ZFAND3: variants seen among roughly 807,000 people sequenced by gnomAD.
ZFAND3 encodes AN1-type zinc finger protein 3.
Under a neutral mutation model 29.6 loss-of-function variants are expected in ZFAND3, and 10 were observed. The observed-to-expected ratio is 0.34, with a 90% CI of 0.21 to 0.57. The LOEUF (loss-of-function observed/expected upper bound fraction) is 0.57, where lower values mean the gene tolerates loss of function less well. ZFAND3 is among the 20% of genes least tolerant of loss of function. ZFAND3 has a pLI of 0.86. For missense variants in ZFAND3, 230 were observed against 304.5 expected (o/e 0.76, Z 1.82); for synonymous variants, 128 against 112.6 (o/e 1.14, Z -0.87).
intron 2 of ZFAND3, among the ~76,000 whole-genome samples, chr6:37,956,536 A>G (rs1343258353): frequency 6.6e-6 from 1 of 152,252 alleles, no homozygotes. Flanking sequence ...TAGGATTTCA[A>G]CTTTGGGTAA....
At position 38,152,819 on chromosome 6, in the gene ZFAND3, T is replaced by G; in HGVS notation, c.*430T>G. ...GAAACTCTGTTTAATGATCGGCCTT[T>G]CACCTCTTCACTTATCCTTAGTCCC... is the stretch of plus-strand genomic sequence containing the variant. On this transcript the variant is annotated 3_prime_UTR_variant, in exon 6 of 6. Transcript: ENST00000287218. 4 of 986,798 alleles carry G rather than the reference T, an allele frequency of 4.1e-6. No individual in the cohort carries two copies. The highest frequency in any genetic ancestry group is 3.6e-6 in the Non-Finnish European group (3 of 830,614). The allele number at this position is 986,798 out of a possible 1,614,324, so 61.1% of individuals were successfully genotyped here. A position where few individuals can be genotyped will look rare whatever the true frequency, so the allele number is the denominator to read the frequency against.
At chr6:37,897,685 T>C (rs1237301496) in intron 1 of ZFAND3, among the ~76,000 whole-genome samples, 1 of 152,186 alleles carries the variant, frequency 6.6e-6, no homozygotes. Flanking sequence ...CTGGTGGAGT[T>C]ATATTGGTGT....
intron 1 of ZFAND3, among the ~76,000 whole-genome samples, chr6:37,821,021 TTTTGTTTTAG>T (rs1363181426): frequency 6.6e-6 from 1 of 152,172 alleles, no homozygotes; most frequent in African/African-American, 2.4e-5. Flanking sequence ...TCTTTTATCG[TTTTGTTTTAG>T]TTTTATTTTT....
At chr6:38,144,408 G>A (rs1001236802) in intron 5 of ZFAND3, among the ~76,000 whole-genome samples, 1 of 151,880 alleles carries the variant, frequency 6.6e-6, no homozygotes, top group Admixed American at 6.5e-5. Flanking sequence ...GTCTTGGATA[G>A]CTTCTGTCTG....
At chr6:38,003,482 T>G (rs1255246706) in intron 2 of ZFAND3, among the ~76,000 whole-genome samples, 1 of 150,354 alleles carries the variant, frequency 6.7e-6, no homozygotes, top group Non-Finnish European at 1.5e-5. Context: ...GAACCTTTAG[T>G]ATTAAAAACC....
intron 2 of ZFAND3, among the ~76,000 whole-genome samples, chr6:37,966,366 T>TA (rs1389983890): frequency 6.6e-6 from 1 of 152,194 alleles, no homozygotes; most frequent in African/African-American, 2.4e-5. Context: ...AATTTTCAGT[T>TA]AAAAAGCACA....
chr6:38,058,127 G>C (rs936545598), intron 2 of ZFAND3, among the ~76,000 whole-genome samples: 1 of 152,128 alleles, frequency 6.6e-6, no homozygotes, highest in African/African-American at 2.4e-5. Context: ...TGTGTGGGTG[G>C]GACCTGGTAT....
chr6:38,124,755 G>C (rs773159950), intron 5 of ZFAND3, among the ~76,000 whole-genome samples: 1 of 152,228 alleles, frequency 6.6e-6, no homozygotes, highest in Non-Finnish European at 1.5e-5. Flanking sequence ...CCAGCCCAGA[G>C]AGGGGCCCCC....
intron 1 of ZFAND3, among the ~76,000 whole-genome samples, chr6:37,874,078 C>T (rs1485958482): frequency 6.6e-6 from 1 of 152,106 alleles, no homozygotes. Context: ...AGTCTGAAAT[C>T]AAGGTTTGTT....
chr6:37,870,327 C>T (rs2127387753), intron 1 of ZFAND3, among the ~76,000 whole-genome samples: 1 of 136,726 alleles, frequency 7.3e-6, no homozygotes, highest in Middle Eastern at 4.4e-3. Flanking sequence ...AAAGGGCGGG[C>T]ACAGTGGTTC....
chr6:37,958,306 T>C (rs1762135890), intron 2 of ZFAND3, among the ~76,000 whole-genome samples: 1 of 152,028 alleles, frequency 6.6e-6, no homozygotes, highest in Admixed American at 6.6e-5. Context: ...ATACAAAGAT[T>C]AGCTGGGCGT....
intron 2 of ZFAND3, among the ~76,000 whole-genome samples, chr6:37,962,345 TC>T (rs1423257922): frequency 2.6e-5 from 4 of 152,072 alleles, no homozygotes; most frequent in African/African-American, 7.2e-5. Context: ...GCCTACAGGA[TC>T]TAGAGAATAG....
chr6:38,013,087 A>T (rs1448286817), intron 2 of ZFAND3, among the ~76,000 whole-genome samples: 1 of 152,244 alleles, frequency 6.6e-6, no homozygotes, highest in Admixed American at 6.5e-5. Context: ...AACAGAAAGG[A>T]AGACTCACTG....
intron 2 of ZFAND3, among the ~76,000 whole-genome samples, chr6:37,998,093 A>G (rs1387028730): frequency 2.6e-5 from 4 of 152,248 alleles, no homozygotes; most frequent in African/African-American, 9.6e-5. Flanking sequence ...AGGTGAATGG[A>G]TAAACAAACT....
At chr6:37,902,913 T>A (rs938840045) in intron 1 of ZFAND3, among the ~76,000 whole-genome samples, 3 of 152,070 alleles carry the variant, frequency 2.0e-5, no homozygotes, top group Non-Finnish European at 4.4e-5. Flanking sequence ...TTACAAACAT[T>A]ACCCTATGTT....
At chr6:37,933,342 C>G (rs1761633596) in intron 2 of ZFAND3, among the ~76,000 whole-genome samples, 1 of 152,162 alleles carries the variant, frequency 6.6e-6, no homozygotes, top group Non-Finnish European at 1.5e-5. Flanking sequence ...TCTTTAAAGT[C>G]TTACCGAGAG....
At chr6:38,076,411 G>A (rs147747742) in intron 3 of ZFAND3, among the ~76,000 whole-genome samples, 28 of 152,186 alleles carry the variant, frequency 1.8e-4, no homozygotes, top group Middle Eastern at 6.8e-3. Context: ...TCTGAGGTAT[G>A]CCTGTAATTG....
chr6:37,929,893 T>C, intron 1 of ZFAND3, 66 bp from the exon 2 acceptor site: 1 of 1,455,856 alleles, frequency 6.9e-7, no homozygotes. Context: ...TGACATCTTA[T>C]GTTTTGATTA....
chr6:38,091,667 C>T (rs1764873864), intron 4 of ZFAND3, among the ~76,000 whole-genome samples: 1 of 147,192 alleles, frequency 6.8e-6, no homozygotes, highest in South Asian at 2.2e-4. Context: ...CTGAGCCTTG[C>T]AATGATACTG....
Sources: gnomAD v4.1 joint callset for allele counts (sites outside exome capture counted in the v4.1 genomes callset) on GRCh38, gnomAD v4.1.1 for gene constraint, MANE v1.5 for transcripts, NCBI Gene and HGNC (gene_info 2026-07-23, HGNC 2026-07-21) for gene names.